PDK3: variants seen among roughly 807,000 people sequenced by gnomAD.
The protein encoded by PDK3 is pyruvate dehydrogenase kinase, isozyme 3.
A neutral mutation model predicts 32.0 loss-of-function variants in PDK3; 12 were observed. That is an observed-to-expected ratio of 0.37 (90% CI 0.24 to 0.61). The LOEUF is 0.61. Among genes scored for constraint, PDK3 ranks in the 20% least tolerant of loss-of-function variants. The pLI is 0.65. For synonymous variants in PDK3, 122 were observed against 116.3 expected, an observed-to-expected ratio of 1.05 and a Z score of -0.31; for missense variants, 188 against 316.9, an observed-to-expected ratio of 0.59 and a Z score of 3.09.
At chrX:24,496,321 G>A (rs866585950) in intron 2 of PDK3, among the ~76,000 whole-genome samples, 4 of 75,803 alleles carry the variant, frequency 5.3e-5, no homozygotes, top group African/African-American at 1.8e-4. Context: ...ACACACACAC[G>A]TGCGTGCACA....
intron 3 of PDK3, among the ~76,000 whole-genome samples, chrX:24,499,999 C>G (rs1921813093): frequency 9.0e-6 from 1 of 111,376 alleles, no homozygotes; most frequent in African/African-American, 3.3e-5. Flanking sequence ...TGAATTCAAT[C>G]CAGGAGCTTT....
intron 5 of PDK3, among the ~76,000 whole-genome samples, chrX:24,517,995 G>T (rs916810528): frequency 5.3e-5 from 6 of 112,272 alleles, no homozygotes; most frequent in African/African-American, 1.9e-4. Context: ...TTATTTTTAA[G>T]ATCATGACAA....
chrX:24,496,590 T>TTTTTTTTTTTTTTTTTG (rs1921713042), intron 2 of PDK3, among the ~76,000 whole-genome samples: 1 of 91,964 alleles, frequency 1.1e-5, no homozygotes, highest in Admixed American at 1.2e-4. Context: ...TTTTTTTTTT[T>TTTTTTTTTTTTTTTTTG]TGCAGTTTCT....
chrX:24,472,682 T>C (rs1243244763), intron 1 of PDK3, among the ~76,000 whole-genome samples: 1 of 87,348 alleles, frequency 1.1e-5, no homozygotes, highest in Admixed American at 1.3e-4. Context: ...TTTCTTTTTT[T>C]TTTTTTTTTT....
intron 1 of PDK3, among the ~76,000 whole-genome samples, chrX:24,490,437 C>CA (rs747825148): frequency 0.38 from 41,705 of 110,544 alleles, 6,014 homozygotes; most frequent in African/African-American, 0.51. Context: ...TGACCTTTGT[C>CA]ATCGAACTTC....
intron 8 of PDK3, 123 bp from the exon 9 acceptor site, chrX:24,527,953 G>C (rs1391342893): frequency 2.1e-6 from 1 of 477,673 alleles, no homozygotes; most frequent in Admixed American, 3.4e-5. Flanking sequence ...TGTCACTGGG[G>C]GATTCAAAGT....
intron 1 of PDK3, among the ~76,000 whole-genome samples, chrX:24,488,741 G>A (rs1268196945): frequency 3.6e-5 from 4 of 111,767 alleles, no homozygotes; most frequent in East Asian, 2.8e-4. Context: ...TGAAAGGATC[G>A]TCAAACTTAG....
intron 6 of PDK3, among the ~76,000 whole-genome samples, chrX:24,524,631 C>T (rs1922479742): frequency 1.8e-5 from 2 of 111,580 alleles, no homozygotes; most frequent in East Asian, 2.8e-4. Flanking sequence ...ATGTCACCAA[C>T]ACTTGATTTT....
chrX:24,525,877 G>A (rs1358496877), intron 6 of PDK3, among the ~76,000 whole-genome samples: 1 of 112,193 alleles, frequency 8.9e-6, no homozygotes. Flanking sequence ...AACACCAAGT[G>A]ATATCTGACT....
At chrX:24,483,554 T>G (rs1310338657) in intron 1 of PDK3, among the ~76,000 whole-genome samples, 1 of 112,204 alleles carries the variant, frequency 8.9e-6, no homozygotes, top group Admixed American at 9.5e-5. Flanking sequence ...ATTTTAAGGA[T>G]TGAATACCCT....
chrX:24,499,158 C>T, intron 3 of PDK3: 1 of 200,327 alleles, frequency 5.0e-6, no homozygotes, highest in East Asian at 9.1e-5. Context: ...GTGAACTGGG[C>T]AGTCACTATA....
chrX:24,540,544 T>C (rs748230238), exon 12 of PDK3, among the ~76,000 whole-genome samples: 6 of 112,144 alleles, frequency 5.4e-5, no homozygotes, highest in African/African-American at 1.9e-4. Context: ...ACCAGCTGCA[T>C]GTGGCTTGAT....
intron 1 of PDK3, among the ~76,000 whole-genome samples, chrX:24,474,383 TTTTATTTATTTA>T (rs57520211): frequency 1.8e-3 from 176 of 96,802 alleles, no homozygotes; most frequent in African/African-American, 5.4e-3. Context: ...TATAAGTTTA[TTTTATTTATTTA>T]TTTATTTATT....
intron 3 of PDK3, among the ~76,000 whole-genome samples, chrX:24,501,552 A>T (rs1282036635): frequency 1.8e-5 from 2 of 112,418 alleles, no homozygotes; most frequent in Non-Finnish European, 3.8e-5. Context: ...TGTCTCTACT[A>T]AAAATATGAA....
chrX:24,499,112 G>T, intron 3 of PDK3: 1 of 291,180 alleles, frequency 3.4e-6, no homozygotes, highest in Non-Finnish European at 6.1e-6. Context: ...TTTCAGTTTT[G>T]CTTTTATGAT....
intron 1 of PDK3, among the ~76,000 whole-genome samples, chrX:24,474,738 C>A (rs1346258009): frequency 9.0e-6 from 1 of 111,445 alleles, no homozygotes; most frequent in African/African-American, 3.3e-5. Flanking sequence ...ATAGTGTCCC[C>A]ATGTGTAAAT....
At chrX:24,473,023 A>G (rs755796768) in intron 1 of PDK3, among the ~76,000 whole-genome samples, 1 of 109,990 alleles carries the variant, frequency 9.1e-6, no homozygotes, top group African/African-American at 3.3e-5. Context: ...GTGGCTTCAG[A>G]TAATATATGT....
chrX:24,492,341 C>T lies in PDK3; in HGVS notation c.107-2401C>T, dbSNP rs181736854. On this transcript the variant is annotated intron_variant, in intron 1 of 10. Transcript: ENST00000379162. ...CAGTGGCTCATGCCTGTAATGCCAG[C>T]ACTTTGGGAGGCCAAGGTGGGTGGA... 2.7e-5 allele frequency among the ~76,000 whole-genome samples: 3 copies of T among 111,815 alleles called. No individual in the cohort carries two copies. The Admixed American group carries it at 2.9e-4, about 11-fold the overall frequency.
intron 9 of PDK3, among the ~76,000 whole-genome samples, chrX:24,529,656 G>A (rs758592759): frequency 9.1e-6 from 1 of 110,015 alleles, no homozygotes; most frequent in African/African-American, 3.3e-5. Context: ...CTATTCAGGA[G>A]GCTGAGGCAC....
Sources: allele counts gnomAD v4.1 joint callset (sites outside exome capture counted in the v4.1 genomes callset), GRCh38; gene constraint gnomAD v4.1.1; transcripts MANE v1.5; gene names NCBI Gene and HGNC (gene_info 2026-07-23, HGNC 2026-07-21).